Variants in CNTNAP4 observed in about 807,000 individuals in gnomAD.
CNTNAP4 encodes the protein contactin associated protein family member 4.
Under a neutral mutation model 148.4 loss-of-function variants are expected in CNTNAP4, and 98 were observed. The ratio of observed to expected loss-of-function variants is 0.66; its 90% CI spans 0.56 to 0.78. The LOEUF (loss-of-function observed/expected upper bound fraction) is 0.78. Among genes scored for constraint, CNTNAP4 ranks in the 30% least tolerant of loss-of-function variants. CNTNAP4 has a pLI of 0.00. For missense variants in CNTNAP4, 1,935 were observed against 1,565.6 expected, an observed-to-expected ratio of 1.24 and a Z score of -3.98; for synonymous variants, 730 against 565.1, an observed-to-expected ratio of 1.29 and a Z score of -4.14.
At chr16:76,333,656 G>A (rs1435577931) in intron 2 of CNTNAP4, among the ~76,000 whole-genome samples, 8 of 151,664 alleles carry the variant, frequency 5.3e-5, no homozygotes, top group Non-Finnish European at 1.0e-4. Flanking sequence ...TTTTTTGCAT[G>A]CATCATATTT....
chr16:76,403,242 G>A (rs2078482748), intron 3 of CNTNAP4, among the ~76,000 whole-genome samples: 1 of 151,938 alleles, frequency 6.6e-6, no homozygotes, highest in South Asian at 2.1e-4. Context: ...ACAGGCACCT[G>A]CCACCACACC....
chr16:76,548,487 G>A (rs906356751), intron 21 of CNTNAP4, among the ~76,000 whole-genome samples: 10 of 150,964 alleles, frequency 6.6e-5, no homozygotes, highest in Non-Finnish European at 1.2e-4. Flanking sequence ...ATGTATTGTC[G>A]TATCTTTCAA....
At chr16:76,490,150 C>T (rs1237694746) in intron 13 of CNTNAP4, among the ~76,000 whole-genome samples, 1 of 152,226 alleles carries the variant, frequency 6.6e-6, no homozygotes, top group Non-Finnish European at 1.5e-5. Flanking sequence ...AACTGTACAG[C>T]AAAGGCCTCC....
At chr16:76,342,495 T>A (rs151166090) in intron 2 of CNTNAP4, among the ~76,000 whole-genome samples, 1 of 125,620 alleles carries the variant, frequency 8.0e-6, no homozygotes, top group East Asian at 2.1e-4. Flanking sequence ...TTTTTTGAGA[T>A]GGAGTCTTGC....
intron 1 of CNTNAP4, among the ~76,000 whole-genome samples, chr16:76,315,425 G>T (rs1415671641): frequency 1.6e-4 from 25 of 152,162 alleles, no homozygotes; most frequent in Admixed American, 1.5e-3. Flanking sequence ...ATGACAAGTT[G>T]TTTTTATAAA....
chr16:76,362,621 T>A (rs1432816319), intron 3 of CNTNAP4, among the ~76,000 whole-genome samples: 1 of 152,182 alleles, frequency 6.6e-6, no homozygotes, highest in Non-Finnish European at 1.5e-5. Flanking sequence ...GGTCTACTGA[T>A]CTTTCACAAG....
chr16:76,406,246 G>A lies in CNTNAP4; in HGVS notation c.391-21206G>A, dbSNP rs576085037. On this transcript the variant is annotated intron_variant, in intron 3 of 23. Coordinates refer to ENST00000611870, the MANE Select transcript of CNTNAP4 (RefSeq NM_033401.5). ...TGATCTGCAATCAGTGATGTTTGAT[G>A]TTACTATTGTAATATCACGCCACAA... 2.6e-5 allele frequency among the ~76,000 whole-genome samples: 4 copies of A among 152,154 alleles called. No individual in the cohort carries two copies. In the South Asian group the frequency reaches 8.3e-4, roughly 32 times the overall value.
intron 7 of CNTNAP4, among the ~76,000 whole-genome samples, chr16:76,451,851 T>A (rs74025005): frequency 0.045 from 6,898 of 152,228 alleles, 362 homozygotes; most frequent in African/African-American, 0.13. Context: ...TAAGGATTTA[T>A]AGTATATTTC....
rs542770125 is a variant in CNTNAP4 at position 76,403,124 on chromosome 16, G to A, written c.391-24328G>A. Reference sequence around the variant, plus strand: ...TTTTTTTTTTTTGAGACGAAGTCTCGCTCTGTCTCCGGGGCTGGAGTGCAG... The same window carrying A: ...TTTTTTTTTTTTGAGACGAAGTCTCACTCTGTCTCCGGGGCTGGAGTGCAG... On this transcript the variant is annotated intron_variant, in intron 3 of 23. Coordinates refer to ENST00000611870, the MANE Select transcript of CNTNAP4 (RefSeq NM_033401.5). Among the ~76,000 whole-genome samples, 8 of 147,998 alleles carry A rather than the reference G, an allele frequency of 5.4e-5. No individual in the cohort carries two copies. The East Asian group carries it at 1.6e-3, about 29-fold the overall frequency.
intron 4 of CNTNAP4, among the ~76,000 whole-genome samples, chr16:76,445,143 A>G (rs992562090): frequency 6.6e-6 from 1 of 152,174 alleles, no homozygotes; most frequent in Non-Finnish European, 1.5e-5. Context: ...GGGACAAGTT[A>G]TAGGACTTGA....
intron 1 of CNTNAP4, among the ~76,000 whole-genome samples, chr16:76,306,275 T>G (rs1430782969): frequency 3.9e-5 from 6 of 152,132 alleles, no homozygotes; most frequent in African/African-American, 9.7e-5. Context: ...CTTAATAAGG[T>G]TATAGACTTT....
At chr16:76,410,741 A>G (rs1383209920) in intron 3 of CNTNAP4, among the ~76,000 whole-genome samples, 1 of 151,708 alleles carries the variant, frequency 6.6e-6, no homozygotes, top group Non-Finnish European at 1.5e-5. Flanking sequence ...AGAAAACCCA[A>G]AATAACACAC....
At chr16:76,469,254 AAG>A (rs1236996010) in intron 10 of CNTNAP4, among the ~76,000 whole-genome samples, 1 of 152,240 alleles carries the variant, frequency 6.6e-6, no homozygotes, top group Non-Finnish European at 1.5e-5. Context: ...ATGATATGAA[AAG>A]AGAGAATTTA....
rs1461987722 is a variant in CNTNAP4, at chr16:76,460,769, A to AT, written c.1334-1187_1334-1186insT. On this transcript the variant is annotated intron_variant, in intron 8 of 23. Transcript: ENST00000611870. The stretch of plus-strand genomic sequence containing the variant: ...CTCATGTCTCAAAAAAAAAAAAAAA[A>AT]AAAAATATATATATATATATATATA... Among the ~76,000 whole-genome samples the AT allele has an allele frequency of 4.0e-4, 14 of 35,120 alleles. 1 individual carries two copies. The highest frequency in any genetic ancestry group is 3.0e-3 in the Admixed American group (11 of 3,650). 23.0% of individuals were successfully genotyped at this position (35,120 alleles called of 152,430 possible).
chr16:76,486,700 A>G (rs1192473967), intron 12 of CNTNAP4, among the ~76,000 whole-genome samples: 3 of 152,196 alleles, frequency 2.0e-5, no homozygotes, highest in Non-Finnish European at 4.4e-5. Flanking sequence ...TAAAAACCTA[A>G]GGACTGTACC....
intron 3 of CNTNAP4, among the ~76,000 whole-genome samples, chr16:76,421,005 A>G (rs2079171049): frequency 6.6e-6 from 1 of 152,058 alleles, no homozygotes; most frequent in Non-Finnish European, 1.5e-5. Context: ...TTGTCCACAT[A>G]TCTCTCATAA....
intron 17 of CNTNAP4, among the ~76,000 whole-genome samples, chr16:76,535,179 C>A (rs1157237446): frequency 6.6e-6 from 1 of 152,122 alleles, no homozygotes; most frequent in East Asian, 1.9e-4. Context: ...ATATGAAGGA[C>A]AAACCACACT....
intron 1 of CNTNAP4, among the ~76,000 whole-genome samples, chr16:76,281,670 T>C (rs1452035396): frequency 2.6e-5 from 4 of 152,064 alleles, no homozygotes; most frequent in Admixed American, 1.3e-4. Context: ...AATAGAATTA[T>C]ATAACATCTA....
intron 12 of CNTNAP4, among the ~76,000 whole-genome samples, chr16:76,485,998 G>A (rs1193905009): frequency 1.3e-5 from 2 of 152,190 alleles, no homozygotes; most frequent in Middle Eastern, 3.2e-3. Flanking sequence ...CTTTGCAAGT[G>A]TATTGCTTAA....
Sources: gnomAD v4.1 joint callset for allele counts (sites outside exome capture counted in the v4.1 genomes callset) on GRCh38, gnomAD v4.1.1 for gene constraint, MANE v1.5 for transcripts, NCBI Gene and HGNC (gene_info 2026-07-23, HGNC 2026-07-21) for gene names.